The following PRKCH variants were observed in gnomAD, a reference collection of about 807,000 sequenced individuals.
PRKCH encodes protein kinase C eta.
In PRKCH, 28 loss-of-function variants were observed where a neutral mutation model predicts 82.5. The ratio of observed to expected loss-of-function variants is 0.34; its 90% confidence interval spans 0.25 to 0.47. PRKCH has a LOEUF of 0.47. Ranked by LOEUF, PRKCH falls within the 20% of genes least tolerant of loss-of-function variation. The pLI is 1.00. For synonymous variants in PRKCH, 322 were observed against 327.4 expected (o/e 0.98, Z 0.18); for missense variants, 705 against 881.8 (o/e 0.80, Z 2.54).
chr14:61,429,843 G>A (rs1202028968), intron 2 of PRKCH, among the ~76,000 whole-genome samples: 1 of 152,192 alleles, frequency 6.6e-6, no homozygotes, highest in Non-Finnish European at 1.5e-5. Flanking sequence ...CTTGGCAGAA[G>A]TGTGATTTTT....
At position 61,295,332 on chromosome 14, in the gene PRKCH, C is replaced by T. The variant is rs533309369; in HGVS notation, c.-19+107664C>T. 8.5e-5 allele frequency among the ~76,000 whole-genome samples: 13 copies of T among 152,272 alleles called. No homozygotes were observed. The East Asian group carries it at 2.5e-3, about 29-fold the overall frequency. On this transcript the variant is annotated intron_variant, in intron 1 of 3. Transcript: ENST00000555185. ...GGTCTGAAAGACTGGTTTCAGATTG[C>T]CATGTTGCACAGAATTACTGGAAAA...
chr14:61,190,782 T>A (rs2044402506), intron 1 of PRKCH, among the ~76,000 whole-genome samples: 1 of 152,122 alleles, frequency 6.6e-6, no homozygotes, highest in Non-Finnish European at 1.5e-5. Context: ...CCCGATGGAC[T>A]CCCAGCTCAT....
chr14:61,541,745 A>T (rs968324639), intron 12 of PRKCH, among the ~76,000 whole-genome samples: 4 of 152,226 alleles, frequency 2.6e-5, no homozygotes, highest in Non-Finnish European at 5.9e-5. Flanking sequence ...ACTTGTGGCC[A>T]TTACTTATAT....
intron 7 of PRKCH, among the ~76,000 whole-genome samples, chr14:61,453,653 C>A (rs1447686344): frequency 6.7e-6 from 1 of 149,270 alleles, no homozygotes; most frequent in African/African-American, 2.5e-5. Context: ...CTTCCCCTTC[C>A]CTGTCTTCAT....
chr14:61,361,377 TCA>T (rs2046222723), intron 1 of PRKCH, among the ~76,000 whole-genome samples: 1 of 152,224 alleles, frequency 6.6e-6, no homozygotes, highest in South Asian at 2.1e-4. Context: ...TAGGTAATTA[TCA>T]CAGTGTTGTT....
At chr14:61,315,090 TTTCTG>T (rs2045551230) in intron 1 of PRKCH, among the ~76,000 whole-genome samples, 1 of 152,178 alleles carries the variant, frequency 6.6e-6, no homozygotes, top group Non-Finnish European at 1.5e-5. Flanking sequence ...TATCTTACAT[TTTCTG>T]TTCTTTTTGT....
chr14:61,475,897 C>T (rs1014824824), intron 9 of PRKCH, among the ~76,000 whole-genome samples: 1 of 152,148 alleles, frequency 6.6e-6, no homozygotes, highest in African/African-American at 2.4e-5. Context: ...ACTTCTATAT[C>T]TGGTTGTCAG....
intron 9 of PRKCH, among the ~76,000 whole-genome samples, chr14:61,475,358 G>A (rs1469094643): frequency 6.6e-6 from 1 of 152,184 alleles, no homozygotes; most frequent in Non-Finnish European, 1.5e-5. Context: ...TGACTCTTAA[G>A]TTTTAGTGTA....
intron 9 of PRKCH, chr14:61,476,248 T>A (rs1259343224): frequency 6.6e-6 from 1 of 152,210 alleles, no homozygotes; most frequent in Non-Finnish European, 1.5e-5. Context: ...CTTGAAGCAT[T>A]TATTAACCCT....
At chr14:61,502,154 T>C (rs2139953267) in intron 10 of PRKCH, among the ~76,000 whole-genome samples, 1 of 138,972 alleles carries the variant, frequency 7.2e-6, no homozygotes, top group Admixed American at 7.6e-5. Context: ...AACCTCCACC[T>C]CCCAGGTTCA....
intron 5 of PRKCH, among the ~76,000 whole-genome samples, chr14:61,450,427 G>A (rs911756284): frequency 5.3e-5 from 8 of 151,968 alleles, no homozygotes; most frequent in Admixed American, 1.3e-4. Flanking sequence ...TTTTCTTCCC[G>A]TGACACAATG....
At chr14:61,462,529 G>A (rs1455878625) in intron 9 of PRKCH, among the ~76,000 whole-genome samples, 7 of 152,204 alleles carry the variant, frequency 4.6e-5, no homozygotes, top group Admixed American at 6.5e-5. Flanking sequence ...GCATTTGCTC[G>A]CTGTGCATTC....
chr14:61,375,957 C>T (rs1454313564), intron 1 of PRKCH, among the ~76,000 whole-genome samples: 2 of 147,984 alleles, frequency 1.4e-5, no homozygotes, highest in Admixed American at 6.8e-5. Flanking sequence ...GTAGAGGTTG[C>T]AGTGAGCCAA....
At chr14:61,281,940 C>G (rs2045273928) in intron 1 of PRKCH, 1 of 127,322 alleles carries the variant, frequency 7.9e-6, no homozygotes, top group South Asian at 2.6e-4. Context: ...CCCAGTCTGG[C>G]TGTATAACTA....
rs1227194690 is a variant in PRKCH at position 61,280,727 on chromosome 14, G to T, written c.-19+93059G>T. On this transcript the variant is annotated intron_variant, in intron 1 of 3. Transcript: ENST00000555185. This position sits in a 1 kb window ranked among gnomAD's most constrained non-coding sequence, Gnocchi z 5.0. The stretch of plus-strand genomic sequence containing the variant: ...GGGGCGCACTCGTTGACAGGGTGGC[G>T]CAGCGCGCTGGGGAGTCCGCTCAGC... The T allele has an allele frequency of 1.9e-6, 3 of 1,576,656 alleles. No individual in the cohort carries two copies. Among genetic ancestry groups the T allele is most frequent in the African/African-American group, 1.3e-5 (1 of 74,356 alleles).
intron 1 of PRKCH, among the ~76,000 whole-genome samples, chr14:61,247,371 T>C (rs1187620985): frequency 6.6e-6 from 1 of 152,036 alleles, no homozygotes; most frequent in Non-Finnish European, 1.5e-5. Context: ...CCTTAGGAAC[T>C]GGTTTAAATG....
At chr14:61,344,583 T>G (rs1045806613) in intron 1 of PRKCH, among the ~76,000 whole-genome samples, 5 of 152,190 alleles carry the variant, frequency 3.3e-5, no homozygotes, top group Non-Finnish European at 7.3e-5. Context: ...CCTGTTCTTT[T>G]AAGGCCTCTG....
chr14:61,364,151 G>A (rs1441324941), intron 1 of PRKCH, among the ~76,000 whole-genome samples: 1 of 151,398 alleles, frequency 6.6e-6, no homozygotes, highest in African/African-American at 2.4e-5. Context: ...GGGATTATAG[G>A]TGTGAACTAC....
chr14:61,246,016 C>G (rs992504716), intron 1 of PRKCH, among the ~76,000 whole-genome samples: 4 of 152,050 alleles, frequency 2.6e-5, no homozygotes, highest in African/African-American at 7.2e-5. Context: ...GATATAAGAC[C>G]CTCTTTAGGA....
Sources: allele counts gnomAD v4.1 joint callset (sites outside exome capture counted in the v4.1 genomes callset), GRCh38; gene constraint gnomAD v4.1.1; non-coding constraint Gnocchi (gnomAD v3.1); transcripts MANE v1.5; gene names NCBI Gene and HGNC (gene_info 2026-07-23, HGNC 2026-07-21).